Variants in GFPT1 observed in about 807,000 individuals in gnomAD.
GFPT1 encodes glutamine--fructose-6-phosphate aminotransferase [isomerizing] 1.
A neutral mutation model predicts 92.0 loss-of-function variants in GFPT1; 40 were observed. The ratio of observed to expected loss-of-function variants is 0.43; its 90% confidence interval spans 0.34 to 0.57. GFPT1 has a LOEUF of 0.57. GFPT1 is among the 20% of genes least tolerant of loss of function. The pLI is 0.02. For missense variants in GFPT1, 448 were observed against 869.1 expected, an observed-to-expected ratio of 0.52 and a Z score of 6.09; for synonymous variants, 269 against 280.6, an observed-to-expected ratio of 0.96 and a Z score of 0.41.
chr2:69,339,498 A>C (rs1670884070), intron 13 of GFPT1, among the ~76,000 whole-genome samples: 1 of 152,200 alleles, frequency 6.6e-6, no homozygotes, highest in African/African-American at 2.4e-5. Flanking sequence ...AACATCGGAA[A>C]ATCAAAAACA....
chr2:69,362,313 C>T (rs1224059650), intron 4 of GFPT1, among the ~76,000 whole-genome samples: 1 of 152,052 alleles, frequency 6.6e-6, no homozygotes, highest in African/African-American at 2.4e-5. Context: ...TTTCTGTAGG[C>T]ACAGGATTTT....
intron 13 of GFPT1, among the ~76,000 whole-genome samples, chr2:69,341,619 C>A (rs1245348629): frequency 6.6e-6 from 1 of 151,208 alleles, no homozygotes; most frequent in Non-Finnish European, 1.5e-5. Context: ...ATAAAAGACC[C>A]TCATACACCT....
At chr2:69,353,420 G>C (rs996302168) in intron 9 of GFPT1, among the ~76,000 whole-genome samples, 2 of 152,300 alleles carry the variant, frequency 1.3e-5, no homozygotes, top group South Asian at 2.1e-4. Flanking sequence ...TGTGGTCCCA[G>C]CTACTCAAGA....
chr2:69,333,602 C>CATTTTT (rs1574046171), intron 15 of GFPT1, among the ~76,000 whole-genome samples: 1 of 152,124 alleles, frequency 6.6e-6, no homozygotes, highest in East Asian at 1.9e-4. Flanking sequence ...AACAAAGTTA[C>CATTTTT]ATTTTTATTT....
intron 2 of GFPT1, among the ~76,000 whole-genome samples, chr2:69,372,198 C>CAAAAAAAA (rs534920006): frequency 1.9e-5 from 1 of 52,736 alleles, no homozygotes; most frequent in Non-Finnish European, 4.1e-5. Context: ...GACTCCATCT[C>CAAAAAAAA]AAAAAAAAAA....
At position 69,338,007 on chromosome 2, in the gene GFPT1, C is replaced by A. The variant is rs1271168480; in HGVS notation, c.1373G>T (p.Gly458Val). The A allele has an allele frequency of 6.2e-7, 1 of 1,614,086 alleles. No homozygotes were observed. ...GTTTGTGATCCCCACAGTTAAAGCT[C>A]CTCTCTCCTTACAGTAACGAAGACC... is the stretch of plus-strand genomic sequence containing the variant. ...LMGLRYCKERGALTVGITNTV... is the reference protein window; with the variant it reads ...LMGLRYCKERVALTVGITNTV... Residue 458 changes from glycine to valine, a missense_variant, in exon 15 of 20, where the codon GGA (glycine) becomes GTA (valine). Physicochemically the swap from Gly to Val is moderately radical, Grantham distance 109. This residue lies in a region of GFPT1 where 121 missense variants were observed against 304.3 expected (regional missense o/e 0.40). Transcript: ENST00000357308.
At chr2:69,332,991 G>A (rs1670701102) in intron 15 of GFPT1, among the ~76,000 whole-genome samples, 1 of 151,964 alleles carries the variant, frequency 6.6e-6, no homozygotes, top group East Asian at 1.9e-4. Flanking sequence ...CTGCTCACAT[G>A]GTCCTCCACA....
intron 12 of GFPT1, 60 bp from the exon 13 acceptor site, chr2:69,342,309 G>A (rs1053356922): frequency 1.1e-5 from 11 of 1,011,290 alleles, no homozygotes; most frequent in South Asian, 5.1e-5. Context: ...CTAGGCAATC[G>A]CATTTTGTGA....
intron 2 of GFPT1, among the ~76,000 whole-genome samples, chr2:69,373,558 G>A (rs568570669): frequency 2.0e-5 from 3 of 152,234 alleles, no homozygotes; most frequent in Non-Finnish European, 4.4e-5. Flanking sequence ...GTTCGAGACT[G>A]TAGTGAGCTA....
At chr2:69,375,399 G>A (rs1258165059) in intron 1 of GFPT1, among the ~76,000 whole-genome samples, 1 of 152,078 alleles carries the variant, frequency 6.6e-6, no homozygotes, top group Non-Finnish European at 1.5e-5. Context: ...TGATCCTACT[G>A]AAATATTTCA....
intron 1 of GFPT1, among the ~76,000 whole-genome samples, chr2:69,375,608 C>T (rs1671851446): frequency 6.6e-6 from 1 of 152,162 alleles, no homozygotes; most frequent in African/African-American, 2.4e-5. Flanking sequence ...CAAAGACTTA[C>T]AGAAATCCCA....
rs780527322 is a variant in GFPT1, at chr2:69,350,195, A to C, written c.740-12T>G. On this transcript the variant is annotated splice_polypyrimidine_tract_variant and intron_variant, in intron 9 of 19. Coordinates refer to ENST00000357308, the MANE Select transcript of GFPT1 (RefSeq NM_001244710.2). ...TTTCTTGTCTTTGCCTAAAGCATAT[A>C]GTTAACATGAATTGGCAAACATGTA... 31 of 1,552,862 alleles carry C rather than the reference A, an allele frequency of 2.0e-5. No homozygotes were observed. In the South Asian group the frequency reaches 3.4e-4, roughly 17 times the overall value.
At chr2:69,361,251 C>T (rs1051282248) in intron 4 of GFPT1, among the ~76,000 whole-genome samples, 4 of 151,722 alleles carry the variant, frequency 2.6e-5, no homozygotes, top group African/African-American at 4.8e-5. Flanking sequence ...AGTTCGAGAC[C>T]AGCCTAGCCA....
intron 3 of GFPT1, 100 bp from the exon 4 acceptor site, chr2:69,363,770 GA>G: frequency 1.2e-6 from 1 of 849,518 alleles, no homozygotes. Flanking sequence ...TGCTCTCTTG[GA>G]ATATACAATC....
intron 9 of GFPT1, among the ~76,000 whole-genome samples, chr2:69,352,612 C>CAAAAAAAAAAAAAAAAAAAAAAAAA: frequency 2.1e-5 from 1 of 47,378 alleles, no homozygotes; most frequent in African/African-American, 7.6e-5. Context: ...GACTTCGTCT[C>CAAAAAAAAAAAAAAAAAAAAAAAAA]AAAAAAAAAA....
At chr2:69,336,113 C>A (rs1670787332) in intron 15 of GFPT1, among the ~76,000 whole-genome samples, 1 of 150,650 alleles carries the variant, frequency 6.6e-6, no homozygotes, top group South Asian at 2.1e-4. Context: ...TTGAGGCAGG[C>A]AGATCACTTG....
In GFPT1 at chr2:69,325,557, T is replaced by C. The variant is rs549443023; in HGVS notation, c.*632A>G. ...ATTGAGACCCACCAATGCACTACTGTAATATTTCGCTTCCTAAATTTCTTC... is the reference window on the plus strand; with the variant it reads ...ATTGAGACCCACCAATGCACTACTGCAATATTTCGCTTCCTAAATTTCTTC... On this transcript the variant is annotated 3_prime_UTR_variant, in exon 20 of 20. Coordinates refer to ENST00000357308, the MANE Select transcript of GFPT1 (RefSeq NM_001244710.2). 9.8e-5 allele frequency: 15 copies of C among 152,492 alleles called. No homozygotes were observed. Among genetic ancestry groups the C allele is most frequent in the African/African-American group, 3.4e-4 (14 of 41,584 alleles). The allele number at this position is 152,492 out of a possible 1,614,324, so 9.4% of individuals were successfully genotyped here. A position where few individuals can be genotyped will look rare whatever the true frequency, so the allele number is the denominator to read the frequency against.
chr2:69,357,085 C>G (rs989581250), intron 6 of GFPT1, among the ~76,000 whole-genome samples: 1 of 152,118 alleles, frequency 6.6e-6, no homozygotes, highest in Non-Finnish European at 1.5e-5. Context: ...TAGATAACAA[C>G]TACAAAAATA....
intron 13 of GFPT1, among the ~76,000 whole-genome samples, chr2:69,341,531 A>G (rs1056475717): frequency 2.0e-5 from 3 of 152,334 alleles, no homozygotes; most frequent in South Asian, 2.1e-4. Flanking sequence ...TCTTCTGTTC[A>G]TAACAGTTGA....
Sources: gnomAD v4.1 joint callset for allele counts (sites outside exome capture counted in the v4.1 genomes callset) on GRCh38, gnomAD v4.1.1 for gene constraint, gnomAD v4.1.1 regional missense constraint, MANE v1.5 for transcripts, NCBI Gene and HGNC (gene_info 2026-07-23, HGNC 2026-07-21) for gene names.